Variants in GALNTL6 observed in about 807,000 individuals in gnomAD.
The protein encoded by GALNTL6 is polypeptide N-acetylgalactosaminyltransferase-like 6.
Under a neutral mutation model 73.7 loss-of-function variants are expected in GALNTL6, and 46 were observed. That is an observed-to-expected ratio of 0.62 (90% CI 0.49 to 0.80). The LOEUF is 0.80. Ranked by LOEUF, GALNTL6 falls within the 30% of genes least tolerant of loss-of-function variation. The pLI is 0.00. For synonymous variants in GALNTL6, 259 were observed against 263.7 expected (o/e 0.98, Z 0.17); for missense variants, 604 against 755.0 (o/e 0.80, Z 2.34).
At chr4:172,051,834 C>G (rs1020184317) in intron 2 of GALNTL6, among the ~76,000 whole-genome samples, 1 of 152,102 alleles carries the variant, frequency 6.6e-6, no homozygotes, top group African/African-American at 2.4e-5. Context: ...CTCAGTATTT[C>G]CCTGTCTCCT....
At chr4:172,889,467 G>C (rs1041224999) in intron 8 of GALNTL6, among the ~76,000 whole-genome samples, 6 of 152,110 alleles carry the variant, frequency 3.9e-5, no homozygotes, top group Non-Finnish European at 5.9e-5. Flanking sequence ...ATCATGAAAG[G>C]ATAATGGGAT....
intron 2 of GALNTL6, among the ~76,000 whole-genome samples, chr4:172,190,989 C>T (rs1735563837): frequency 6.6e-6 from 1 of 152,180 alleles, no homozygotes; most frequent in South Asian, 2.1e-4. Context: ...GTCATATTAG[C>T]CACCCTCTCA....
intron 5 of GALNTL6, among the ~76,000 whole-genome samples, chr4:172,721,356 A>G (rs1034960356): frequency 2.0e-5 from 3 of 152,246 alleles, no homozygotes; most frequent in African/African-American, 7.2e-5. Flanking sequence ...AATATCTACA[A>G]AGGTATTTAA....
chr4:173,024,634 G>A (rs1457114823), intron 12 of GALNTL6, among the ~76,000 whole-genome samples: 3 of 152,038 alleles, frequency 2.0e-5, no homozygotes, highest in Non-Finnish European at 2.9e-5. Context: ...CCAGGCTGGG[G>A]TCAATGGCGT....
chr4:172,334,698 A>G (rs575629560), intron 4 of GALNTL6, among the ~76,000 whole-genome samples: 13 of 152,214 alleles, frequency 8.5e-5, no homozygotes, highest in African/African-American at 2.2e-4. Flanking sequence ...TTATCTTTTC[A>G]TATTTGGTTG....
At chr4:172,709,066 C>A (rs918015700) in intron 5 of GALNTL6, among the ~76,000 whole-genome samples, 3 of 152,186 alleles carry the variant, frequency 2.0e-5, no homozygotes, top group African/African-American at 4.8e-5. Context: ...TCCTTCATTT[C>A]ATGTTTTACC....
At chr4:172,206,703 G>T (rs2110914401) in intron 2 of GALNTL6, among the ~76,000 whole-genome samples, 1 of 151,170 alleles carries the variant, frequency 6.6e-6, no homozygotes, top group African/African-American at 2.4e-5. Flanking sequence ...ACAGAGGAGA[G>T]AACAGATGCA....
At chr4:173,017,255 G>A (rs922597509) in intron 11 of GALNTL6, among the ~76,000 whole-genome samples, 5 of 152,124 alleles carry the variant, frequency 3.3e-5, no homozygotes, top group Non-Finnish European at 7.4e-5. Flanking sequence ...AGAAAGCAGA[G>A]AAATTAACAT....
rs115263175 is a variant in GALNTL6 at position 172,268,754 on chromosome 4, T to G, written c.247+38990T>G. Among the ~76,000 whole-genome samples, 687 of 152,074 alleles carry G rather than the reference T, an allele frequency of 4.5e-3. 6 individuals carry two copies. The highest frequency in any genetic ancestry group is 0.016 in the African/African-American group (649 of 41,482). ...GGGCCTCATAATGGAATTAGAACCTTTAGAAGAAAAGGAAGAAACAGGAGC... is the reference window on the plus strand; with the variant it reads ...GGGCCTCATAATGGAATTAGAACCTGTAGAAGAAAAGGAAGAAACAGGAGC... On this transcript the variant is annotated intron_variant, in intron 3 of 12. Transcript: ENST00000506823.
chr4:172,849,520 A>T (rs941868073), intron 7 of GALNTL6, among the ~76,000 whole-genome samples: 1 of 152,192 alleles, frequency 6.6e-6, no homozygotes, highest in Non-Finnish European at 1.5e-5. Context: ...GAGTAGATGG[A>T]TGAATGAGCA....
At chr4:172,696,815 AG>A (rs746389586) in intron 5 of GALNTL6, among the ~76,000 whole-genome samples, 43 of 152,210 alleles carry the variant, frequency 2.8e-4, no homozygotes, top group Admixed American at 2.0e-4. Flanking sequence ...ACAGATTAAG[AG>A]AAAAAAATCA....
intron 3 of GALNTL6, among the ~76,000 whole-genome samples, chr4:172,300,282 T>A (rs1739860764): frequency 1.3e-5 from 2 of 152,160 alleles, no homozygotes; most frequent in Non-Finnish European, 2.9e-5. Flanking sequence ...GTGAGATGGG[T>A]TTCCTGAATA....
At position 172,849,091 on chromosome 4, in the gene GALNTL6, T is replaced by C. The variant is rs1429744646; in HGVS notation, c.924-33699T>C. Among the ~76,000 whole-genome samples the C allele has an allele frequency of 2.6e-5, 4 of 152,098 alleles. No individual in the cohort carries two copies. In the South Asian group the frequency reaches 6.2e-4, roughly 24 times the overall value. ...AAGGAAAAAACGTTAACAAGTTGAA[T>C]TGGGGGAGATACCAAGATTTCAGTC... On this transcript the variant is annotated intron_variant, in intron 7 of 12. Coordinates refer to ENST00000506823, the MANE Select transcript of GALNTL6 (RefSeq NM_001034845.3).
rs541377988 is a variant in GALNTL6 at position 172,905,906 on chromosome 4, C to T, written c.1041+22999C>T. Among the ~76,000 whole-genome samples the T allele has an allele frequency of 6.0e-5, 9 of 150,662 alleles. No individual in the cohort carries two copies. In the South Asian group the frequency reaches 6.3e-4, roughly 10 times the overall value. On this transcript the variant is annotated intron_variant, in intron 8 of 12. Coordinates refer to ENST00000506823, the MANE Select transcript of GALNTL6 (RefSeq NM_001034845.3). ...AAAACTGGAATCTTACCCCCAACCA[C>T]GACCTATAAGGAAGGATATCATATG...
At chr4:172,005,994 T>C (rs1273573541) in intron 2 of GALNTL6, among the ~76,000 whole-genome samples, 1 of 152,200 alleles carries the variant, frequency 6.6e-6, no homozygotes, top group Non-Finnish European at 1.5e-5. Flanking sequence ...ACCTATTAAC[T>C]TTCTAGTATC....
At chr4:172,683,307 T>C (rs1290388337) in intron 5 of GALNTL6, among the ~76,000 whole-genome samples, 3 of 152,216 alleles carry the variant, frequency 2.0e-5, no homozygotes, top group African/African-American at 7.2e-5. Context: ...TGGCCAAAGC[T>C]GGAGGAGATA....
intron 2 of GALNTL6, among the ~76,000 whole-genome samples, chr4:171,818,236 A>G (rs984831001): frequency 6.6e-6 from 1 of 151,810 alleles, no homozygotes; most frequent in Non-Finnish European, 1.5e-5. Context: ...ATAATACTAT[A>G]TTTTAGAACA....
chr4:173,028,941 G>A (rs1476676784), intron 12 of GALNTL6, among the ~76,000 whole-genome samples: 3 of 152,286 alleles, frequency 2.0e-5, no homozygotes, highest in African/African-American at 2.4e-5. Flanking sequence ...TTTAAAAAGT[G>A]AGTGGGTGGA....
chr4:172,137,408 A>C (rs1560937813), intron 2 of GALNTL6, among the ~76,000 whole-genome samples: 1 of 152,212 alleles, frequency 6.6e-6, no homozygotes, highest in Non-Finnish European at 1.5e-5. Context: ...AATCTCACAA[A>C]GGTGTACAAG....
Sources: gnomAD v4.1 joint callset for allele counts (sites outside exome capture counted in the v4.1 genomes callset) on GRCh38, gnomAD v4.1.1 for gene constraint, MANE v1.5 for transcripts, NCBI Gene and HGNC (gene_info 2026-07-23, HGNC 2026-07-21) for gene names.